Variants in MRPL1 observed in about 807,000 individuals in gnomAD.
MRPL1 encodes the protein large ribosomal subunit protein uL1m.
In MRPL1, 28 loss-of-function variants were observed where a neutral mutation model predicts 38.0. The ratio of observed to expected loss-of-function variants is 0.74; its 90% CI spans 0.55 to 1.01. The LOEUF (loss-of-function observed/expected upper bound fraction) is 1.01. Among genes scored for constraint, MRPL1 ranks in the 50% least tolerant of loss-of-function variants. The pLI, the probability that MRPL1 is intolerant of heterozygous loss-of-function variation, is 0.00. For missense variants in MRPL1, 358 were observed against 389.8 expected (o/e 0.92, Z 0.69); for synonymous variants, 123 against 126.7 (o/e 0.97, Z 0.20).
intron 7 of MRPL1, among the ~76,000 whole-genome samples, chr4:77,909,938 A>G (rs1218051992): frequency 2.0e-5 from 3 of 152,214 alleles, no homozygotes; most frequent in Non-Finnish European, 4.4e-5. Context: ...GTCATTACAA[A>G]CATTAAAGTT....
intron 7 of MRPL1, among the ~76,000 whole-genome samples, chr4:77,920,319 C>T (rs1489590547): frequency 1.3e-5 from 2 of 152,122 alleles, no homozygotes; most frequent in Non-Finnish European, 2.9e-5. Context: ...TTTAAAATGA[C>T]TTACTCTAAT....
chr4:77,896,775 G>T (rs562071272), intron 6 of MRPL1, among the ~76,000 whole-genome samples: 1 of 151,920 alleles, frequency 6.6e-6, no homozygotes, highest in Non-Finnish European at 1.5e-5. Context: ...AGTTTTATTC[G>T]TTTTATTTTA....
intron 1 of MRPL1, among the ~76,000 whole-genome samples, chr4:77,865,576 G>A (rs1355271186): frequency 6.6e-6 from 1 of 151,980 alleles, no homozygotes; most frequent in African/African-American, 2.4e-5. Flanking sequence ...GTGTTGCCCA[G>A]GCTGCTCTCG....
chr4:77,907,262 TTAAAA>T (rs1736178150), intron 6 of MRPL1: 5 of 755,314 alleles, frequency 6.6e-6, no homozygotes, highest in Non-Finnish European at 4.8e-6. Context: ...TAAATTTGTG[TTAAAA>T]TGATAATGAC....
intron 1 of MRPL1, among the ~76,000 whole-genome samples, chr4:77,868,957 A>G (rs1442875101): frequency 6.6e-6 from 1 of 152,212 alleles, no homozygotes; most frequent in East Asian, 1.9e-4. Flanking sequence ...TGAAATTTTC[A>G]TTTTAAAATG....
At chr4:77,946,289 C>T (rs1737267338) in intron 7 of MRPL1, among the ~76,000 whole-genome samples, 1 of 152,042 alleles carries the variant, frequency 6.6e-6, no homozygotes, top group Non-Finnish European at 1.5e-5. Flanking sequence ...GGCAGTCAGA[C>T]CTCATGGCTC....
chr4:77,896,147 T>C (rs1323672777), intron 6 of MRPL1, among the ~76,000 whole-genome samples: 1 of 150,290 alleles, frequency 6.7e-6, no homozygotes, highest in African/African-American at 2.5e-5. Flanking sequence ...CCTTTTAGCT[T>C]CCTTTTTTTT....
intron 6 of MRPL1, among the ~76,000 whole-genome samples, chr4:77,907,869 T>C (rs1320591974): frequency 1.3e-5 from 2 of 151,182 alleles, no homozygotes; most frequent in African/African-American, 4.9e-5. Context: ...CAGCCTCTCA[T>C]GCCAGTTTCT....
chr4:77,907,081 C>T (rs1736175530), intron 6 of MRPL1: 3 of 985,258 alleles, frequency 3.0e-6, no homozygotes, highest in African/African-American at 1.7e-5. Flanking sequence ...GAGTTCCTCA[C>T]ATTGATTCAT....
chr4:77,887,206 T>C lies in MRPL1; in HGVS notation c.487-14T>C, dbSNP rs761670603. On this transcript the variant is annotated splice_polypyrimidine_tract_variant and intron_variant, in intron 4 of 8. Coordinates refer to ENST00000315567, the MANE Select transcript of MRPL1 (RefSeq NM_020236.4). ...AAATTAATGATTGATTTTCAAATTA[T>C]TGTGTTTTGGTAGAATGCATCAGAG... The C allele has an allele frequency of 1.9e-6, 3 of 1,600,770 alleles. No individual in the cohort carries two copies. The African/African-American group carries it at 4.0e-5, about 21-fold the overall frequency.
chr4:77,939,389 GT>G (rs934262442), intron 7 of MRPL1, among the ~76,000 whole-genome samples: 11 of 151,740 alleles, frequency 7.2e-5, no homozygotes, highest in African/African-American at 9.7e-5. Flanking sequence ...GGGATTGCTT[GT>G]TTTTTTTCTT....
chr4:77,952,330 A>C (rs894341362), intron 8 of MRPL1, among the ~76,000 whole-genome samples, 159 bp from the exon 9 acceptor site: 1 of 152,318 alleles, frequency 6.6e-6, no homozygotes, highest in East Asian at 1.9e-4. Context: ...AACTCTTATT[A>C]ATTAGCCTAC....
intron 6 of MRPL1, among the ~76,000 whole-genome samples, chr4:77,900,692 G>T (rs1443887121): frequency 6.6e-6 from 1 of 152,204 alleles, no homozygotes; most frequent in Non-Finnish European, 1.5e-5. Flanking sequence ...GGCTTTGTGT[G>T]CTATACCATG....
At chr4:77,947,011 C>CA (rs35260448) in intron 7 of MRPL1, among the ~76,000 whole-genome samples, 36 of 127,580 alleles carry the variant, frequency 2.8e-4, no homozygotes, top group South Asian at 1.3e-3. Flanking sequence ...CTCAATGGGA[C>CA]AAAAAAAAAA....
chr4:77,936,862 T>G (rs1392453219), intron 7 of MRPL1, among the ~76,000 whole-genome samples: 2 of 152,156 alleles, frequency 1.3e-5, no homozygotes, highest in Non-Finnish European at 2.9e-5. Flanking sequence ...CGATGGCTCA[T>G]GCCTGTAATC....
intron 1 of MRPL1, chr4:77,864,631 T>G (rs1735084967): frequency 6.6e-6 from 1 of 152,232 alleles, no homozygotes; most frequent in Non-Finnish European, 1.5e-5. Flanking sequence ...TCAAAATCTT[T>G]TATGGAATCA....
chr4:77,915,807 A>G (rs1736410920), intron 7 of MRPL1, among the ~76,000 whole-genome samples: 1 of 152,232 alleles, frequency 6.6e-6, no homozygotes, highest in Non-Finnish European at 1.5e-5. Flanking sequence ...AAATGCTCAT[A>G]TCAGTGAAAA....
chr4:77,884,484 C>T lies in MRPL1; in HGVS notation c.403-772C>T, dbSNP rs1735627961. ...GCCTCAGGCCTCAATAGTTCCTGGT[C>T]AAAATGACTAGACAGATTAGTTTAG... On this transcript the variant is annotated intron_variant, in intron 3 of 8. Transcript: ENST00000315567. Among the ~76,000 whole-genome samples the T allele has an allele frequency of 2.6e-5, 4 of 152,328 alleles. No individual in the cohort carries two copies. In the South Asian group the frequency reaches 8.3e-4, roughly 32 times the overall value.
Position 77,867,977 on chromosome 4 carries a change from T to C in MRPL1, c.32-3767T>C, listed in dbSNP as rs1477716313. Among the ~76,000 whole-genome samples, 6 of 151,910 alleles carry C rather than the reference T, an allele frequency of 3.9e-5. No homozygotes were observed. In the East Asian group the frequency reaches 5.8e-4, roughly 15 times the overall value. On this transcript the variant is annotated intron_variant, in intron 1 of 8. Coordinates refer to ENST00000315567, the MANE Select transcript of MRPL1 (RefSeq NM_020236.4). The stretch of plus-strand genomic sequence containing the variant: ...TTCACCGTGTTAGCCAGGATGGTCT[T>C]GATCTCCTGACCTCGTGATCCGCCC...
Sources: allele counts gnomAD v4.1 joint callset (sites outside exome capture counted in the v4.1 genomes callset), GRCh38; gene constraint gnomAD v4.1.1; transcripts MANE v1.5; gene names NCBI Gene and HGNC (gene_info 2026-07-23, HGNC 2026-07-21).